PPP1R7: variants seen among roughly 807,000 people sequenced by gnomAD.
The protein encoded by PPP1R7 is protein phosphatase 1 regulatory subunit 7.
Under a neutral mutation model 45.2 loss-of-function variants are expected in PPP1R7, and 18 were observed. That is an observed-to-expected ratio of 0.40 (90% CI 0.28 to 0.59). The LOEUF (loss-of-function observed/expected upper bound fraction) is 0.59, where lower values mean the gene tolerates loss of function less well. Among genes scored for constraint, PPP1R7 ranks in the 20% least tolerant of loss-of-function variants. PPP1R7 has a pLI of 0.46. For synonymous variants in PPP1R7, 181 were observed against 183.4 expected, an observed-to-expected ratio of 0.99 and a Z score of 0.11; for missense variants, 314 against 455.8, an observed-to-expected ratio of 0.69 and a Z score of 2.83.
chr2:241,162,795 G>A (rs1472942634), intron 6 of PPP1R7, among the ~76,000 whole-genome samples: 1 of 150,940 alleles, frequency 6.6e-6, no homozygotes, highest in East Asian at 2.0e-4. Flanking sequence ...CCATTCTCCT[G>A]CCTCAGCCTC....
chr2:241,160,780 A>T (rs2067570356), intron 6 of PPP1R7, among the ~76,000 whole-genome samples: 1 of 152,260 alleles, frequency 6.6e-6, no homozygotes, highest in African/African-American at 2.4e-5. Context: ...ATTCTGCCTG[A>T]GATGAACCAA....
At chr2:241,174,088 C>T (rs1489000787) in intron 9 of PPP1R7, among the ~76,000 whole-genome samples, 1 of 152,112 alleles carries the variant, frequency 6.6e-6, no homozygotes, top group East Asian at 1.9e-4. Flanking sequence ...TGAACTTTAT[C>T]TGACAGGCAA....
chr2:241,157,925 G>A (rs923917549), intron 3 of PPP1R7, 63 bp downstream of exon 3: 24 of 1,518,186 alleles, frequency 1.6e-5, no homozygotes, highest in Middle Eastern at 1.8e-4. Flanking sequence ...AGGTTATCTT[G>A]TATGAGATTA....
At chr2:241,167,877 T>G (rs572592439) in intron 8 of PPP1R7, among the ~76,000 whole-genome samples, 1 of 152,354 alleles carries the variant, frequency 6.6e-6, no homozygotes, top group South Asian at 2.1e-4. Context: ...TCCTAAGTTT[T>G]GTTTCTTAAT....
chr2:241,157,894 G>GT (rs1185289094), intron 3 of PPP1R7, 32 bp downstream of exon 3: 17 of 1,599,160 alleles, frequency 1.1e-5, no homozygotes, highest in Non-Finnish European at 1.4e-5. Context: ...AGCCTTGGGC[G>GT]TGGTGATGGA....
chr2:241,153,571 G>C lies in PPP1R7; in HGVS notation c.148G>C (p.Asp50His), dbSNP rs1160297274. 22 of 1,614,214 alleles carry C rather than the reference G, an allele frequency of 1.4e-5. No homozygotes were observed. The highest frequency in any genetic ancestry group is 1.8e-5 in the Non-Finnish European group (21 of 1,180,050). ...VADLSEQSLK[D>H]GEERGEEDPE... ...CGACCTCAGTGAACAGAGCCTGAAG[G>C]ATGGGGAGGAGCGGGGGGAGGAGGA... Residue 50 changes from aspartate (D) to histidine (H), a missense_variant, in exon 2 of 10, where the codon GAT becomes CAT. Physicochemically the swap from Asp to His is moderately conservative, Grantham distance 81. Coordinates refer to ENST00000234038, the MANE Select transcript of PPP1R7 (RefSeq NM_002712.3).
intron 8 of PPP1R7, among the ~76,000 whole-genome samples, chr2:241,167,751 G>GA (rs907381672): frequency 1.7e-4 from 25 of 146,870 alleles, no homozygotes; most frequent in East Asian, 7.8e-4. Context: ...AAACAAAACA[G>GA]AAAAAAAAAA....
At chr2:241,175,960 C>T (rs1218211596) in intron 9 of PPP1R7, among the ~76,000 whole-genome samples, 2 of 151,992 alleles carry the variant, frequency 1.3e-5, no homozygotes, top group African/African-American at 4.8e-5. Flanking sequence ...GCATTTTTAG[C>T]AGAGACGGGG....
In PPP1R7 at chr2:241,153,580, G is replaced by T; in HGVS notation, c.157G>T (p.Glu53Ter). The T allele has an allele frequency of 6.2e-7, 1 of 1,614,110 alleles. No individual in the cohort carries two copies. Among genetic ancestry groups the T allele is most frequent in the Non-Finnish European group, 8.5e-7 (1 of 1,180,000 alleles). ...TGAACAGAGCCTGAAGGATGGGGAG[G>T]AGCGGGGGGAGGAGGACCCAGAAGG... The part of the protein sequence containing the change: ...LSEQSLKDGE[E>*]RGEEDPEEEH... The change falls in exon 2 of 10, where the codon GAG becomes TAG. Residue 53 changes from glutamate (E) to a stop codon, truncating the protein, a stop_gained. Transcript: ENST00000234038. LOFTEE classifies it high-confidence loss of function.
intron 8 of PPP1R7, chr2:241,166,955 T>C (rs2067726410): frequency 9.0e-7 from 1 of 1,110,252 alleles, no homozygotes; most frequent in Non-Finnish European, 1.4e-6. Context: ...TATGAGCAGC[T>C]TCCTCCTCCC....
In PPP1R7 at chr2:241,183,232, C is replaced by T; in HGVS notation, c.*409C>T. The T allele has an allele frequency of 2.6e-6, 1 of 384,102 alleles. No individual in the cohort carries two copies. The highest frequency in any genetic ancestry group is 5.3e-6 in the Non-Finnish European group (1 of 190,284). The allele number at this position is 384,102 out of a possible 1,614,324, so 23.8% of individuals were successfully genotyped here. A position where few individuals can be genotyped will look rare whatever the true frequency, so the allele number is the denominator to read the frequency against. ...GGGGCTGGCCTAGCTGGCCCTAGTC[C>T]TGGTGTGCAGGGTTCAGGCAGTCTT... On this transcript the variant is annotated 3_prime_UTR_variant, in exon 10 of 10. Coordinates refer to ENST00000234038, the MANE Select transcript of PPP1R7 (RefSeq NM_002712.3).
chr2:241,149,631 A>C (rs900923962), upstream of PPP1R7: 10 of 1,538,464 alleles, frequency 6.5e-6, no homozygotes, highest in Admixed American at 3.9e-5. Context: ...GGCGCTTCGG[A>C]GGAGCCAAAG....
At chr2:241,179,577 G>A (rs2067965354) in intron 9 of PPP1R7, among the ~76,000 whole-genome samples, 1 of 152,234 alleles carries the variant, frequency 6.6e-6, no homozygotes, top group Non-Finnish European at 1.5e-5. Context: ...AAGGACATGG[G>A]AGGTGCTCAA....
chr2:241,168,914 A>G (rs1328714837), intron 8 of PPP1R7, among the ~76,000 whole-genome samples: 2 of 152,248 alleles, frequency 1.3e-5, no homozygotes, highest in African/African-American at 4.8e-5. Flanking sequence ...AATACCAAAA[A>G]TGCAGTAGAA....
At chr2:241,151,629 C>T in intron 1 of PPP1R7, 2 of 457,438 alleles carry the variant, frequency 4.4e-6, no homozygotes, top group Non-Finnish European at 9.2e-6. Flanking sequence ...ACTTCATACC[C>T]TTTGAGTCTT....
chr2:241,171,395 G>A (rs2067813745), intron 9 of PPP1R7, among the ~76,000 whole-genome samples: 1 of 152,204 alleles, frequency 6.6e-6, no homozygotes, highest in Admixed American at 6.5e-5. Flanking sequence ...AATTATCACA[G>A]CAACCATGTG....
chr2:241,174,817 G>A (rs566478407), intron 9 of PPP1R7, among the ~76,000 whole-genome samples: 22 of 151,888 alleles, frequency 1.4e-4, no homozygotes, highest in Non-Finnish European at 2.6e-4. Context: ...TGGGACTACC[G>A]GTGCCCGCCA....
upstream of PPP1R7, chr2:241,149,698 G>A (rs911008489): frequency 1.3e-6 from 2 of 1,550,996 alleles, no homozygotes; most frequent in African/African-American, 2.7e-5. Context: ...CCCGACTCGC[G>A]ATCAAAATGG....
At chr2:241,168,350 G>A (rs1206925934) in intron 8 of PPP1R7, among the ~76,000 whole-genome samples, 5 of 152,106 alleles carry the variant, frequency 3.3e-5, no homozygotes, top group South Asian at 2.1e-4. Flanking sequence ...CAAATCCTGC[G>A]TGTGTTCCAG....
Sources: allele counts gnomAD v4.1 joint callset (sites outside exome capture counted in the v4.1 genomes callset), GRCh38; gene constraint gnomAD v4.1.1; transcripts MANE v1.5; gene names NCBI Gene and HGNC (gene_info 2026-07-23, HGNC 2026-07-21).